The following C6orf132 variants were observed in gnomAD, a reference collection of about 807,000 sequenced individuals.
C6orf132 encodes uncharacterized protein C6orf132.
Under a neutral mutation model 65.3 loss-of-function variants are expected in C6orf132, and 43 were observed. The observed-to-expected ratio is 0.66, with a 90% CI of 0.52 to 0.85. C6orf132 has a LOEUF of 0.85. C6orf132 is among the 40% of genes least tolerant of loss of function. C6orf132 has a pLI of 0.00. For missense variants in C6orf132, 1,488 were observed against 1,548.8 expected, an observed-to-expected ratio of 0.96 and a Z score of 0.66; for synonymous variants, 631 against 654.1, an observed-to-expected ratio of 0.96 and a Z score of 0.54.
intron 2 of C6orf132, among the ~76,000 whole-genome samples, chr6:42,114,070 C>T (rs1766531120): frequency 1.3e-5 from 2 of 152,114 alleles, no homozygotes; most frequent in Admixed American, 6.5e-5. Context: ...GGGAGGAAGA[C>T]GGATAGACTT....
intron 1 of C6orf132, among the ~76,000 whole-genome samples, chr6:42,133,814 A>ATGG (rs557806289): frequency 9.9e-6 from 1 of 100,626 alleles, no homozygotes; most frequent in Admixed American, 1.4e-4. Context: ...TCATAGAAGG[A>ATGG]GACAGGGGCG....
At chr6:42,123,424 AAGG>A (rs1766716962) in intron 2 of C6orf132, among the ~76,000 whole-genome samples, 2 of 128,618 alleles carry the variant, frequency 1.6e-5, no homozygotes, top group African/African-American at 3.2e-5. Flanking sequence ...AGAAAGAAGA[AAGG>A]AGAAGGAGAA....
chr6:42,105,136 C>T lies in C6orf132; in HGVS notation c.2776G>A (p.Gly926Ser), dbSNP rs1380826761. Residue 926 changes from glycine to serine, a missense_variant, in exon 4 of 5, where the codon GGC (glycine) becomes AGC (serine). Gly to Ser is a moderately conservative substitution (Grantham distance 56, BLOSUM62 0). Transcript: ENST00000341865. The stretch of plus-strand genomic sequence containing the variant: ...TTGTGCCTGCGGCTCAGCTCTGTGC[C>T]CTCTGCGTCTCTTCCCAGCCGCGGC... ...WGPRLGRDAE[G>S]TELSRRHNWT... 1.3e-6 allele frequency: 2 copies of T among 1,536,990 alleles called. No homozygotes were observed. Among genetic ancestry groups the T allele is most frequent in the Non-Finnish European group, 1.7e-6 (2 of 1,146,830 alleles).
At chr6:42,119,292 T>C (rs895105926) in intron 2 of C6orf132, among the ~76,000 whole-genome samples, 6 of 116,044 alleles carry the variant, frequency 5.2e-5, no homozygotes, top group East Asian at 5.7e-4. Context: ...ATTCCTGGCC[T>C]CCCAAAGTTT....
rs1184481653 is a variant in C6orf132, at chr6:42,104,362, A to G, written c.3449+101T>C. 3.3e-6 allele frequency: 4 copies of G among 1,223,418 alleles called. No individual in the cohort carries two copies. Among genetic ancestry groups the G allele is most frequent in the African/African-American group, 1.6e-5 (1 of 64,158 alleles). The allele number at this position is 1,223,418 out of a possible 1,614,324, so 75.8% of individuals were successfully genotyped here. Reference sequence around the variant, plus strand: ...GTTCTACCTGCAAGGCCGAAGGGAGAAAACCAAATGTTTTCTCTTGACGGA... The same window carrying G: ...GTTCTACCTGCAAGGCCGAAGGGAGGAAACCAAATGTTTTCTCTTGACGGA... On this transcript the variant is annotated intron_variant, in intron 4 of 4. Coordinates refer to ENST00000341865, the MANE Select transcript of C6orf132 (RefSeq NM_001164446.3). This position sits in a 1 kb window ranked among gnomAD's most constrained non-coding sequence, Gnocchi z 4.1.
In C6orf132 at chr6:42,104,771, C is replaced by A. The variant is rs556246123; in HGVS notation, c.3141G>T (p.Gly1047=). Residue 1047 remains glycine (G), a synonymous_variant, in exon 4 of 5, where the codon GGG becomes GGT. Coordinates refer to ENST00000341865, the MANE Select transcript of C6orf132 (RefSeq NM_001164446.3). This position sits in a 1 kb window ranked among gnomAD's most constrained non-coding sequence, Gnocchi z 4.1. ...SRFPAGARYA[G]AGGLERFSGG... The stretch of plus-strand genomic sequence containing the variant: ...CCGAGAAGCGCTCCAGGCCCCCAGC[C>A]CCGGCGTAGCGCGCGCCCGCGGGAA... The A allele has an allele frequency of 6.6e-7, 1 of 1,510,912 alleles. No individual in the cohort carries two copies. The highest frequency in any genetic ancestry group is 2.2e-5 in the Admixed American group (1 of 44,976). The allele number at this position is 1,510,912 out of a possible 1,614,324, so 93.6% of individuals were successfully genotyped here. A position where few individuals can be genotyped will look rare whatever the true frequency, so the allele number is the denominator to read the frequency against.
Position 42,104,026 on chromosome 6 carries a change from G to C in C6orf132, c.3450-148C>G. On this transcript the variant is annotated intron_variant, in intron 4 of 4. Coordinates refer to ENST00000341865, the MANE Select transcript of C6orf132 (RefSeq NM_001164446.3). The surrounding 1 kb of genome is among the most constrained non-coding windows in gnomAD (Gnocchi z 4.1). ...CCTGGGCTTATCGACCCCAGGGAGG[G>C]ACCGCAGACATCACAAACAGGGCTC... The C allele has an allele frequency of 3.8e-6, 2 of 521,008 alleles. No individual in the cohort carries two copies. Among genetic ancestry groups the C allele is most frequent in the Non-Finnish European group, 6.1e-6 (2 of 326,326 alleles). 32.3% of individuals were successfully genotyped at this position (521,008 alleles called of 1,614,324 possible). A position where few individuals can be genotyped will look rare whatever the true frequency, so the allele number is the denominator to read the frequency against.
At chr6:42,139,412 T>C (rs1767000512) in intron 1 of C6orf132, among the ~76,000 whole-genome samples, 2 of 152,244 alleles carry the variant, frequency 1.3e-5, no homozygotes, top group South Asian at 2.1e-4. Context: ...GAGGGGCCAG[T>C]AAACTTTTTC....
At chr6:42,115,614 C>T (rs1265628800) in intron 2 of C6orf132, among the ~76,000 whole-genome samples, 1 of 152,064 alleles carries the variant, frequency 6.6e-6, no homozygotes, top group Non-Finnish European at 1.5e-5. Context: ...GCACTGCACT[C>T]CAGCCTGGGC....
In C6orf132 at chr6:42,102,077, C is replaced by G. The variant is rs146274449; in HGVS notation, c.*1684G>C. The stretch of plus-strand genomic sequence containing the variant: ...GAAGCAAGACCAAGGAATATTGTTT[C>G]CTGATATGTTTGGTGATCACAGCAT... On this transcript the variant is annotated 3_prime_UTR_variant, in exon 5 of 5. Transcript: ENST00000341865. The G allele has an allele frequency of 6.6e-6, 1 of 152,260 alleles. No homozygotes were observed. Among genetic ancestry groups the G allele is most frequent in the East Asian group, 1.9e-4 (1 of 5,178 alleles). The allele number at this position is 152,260 out of a possible 1,614,324, so 9.4% of individuals were successfully genotyped here. A position where few individuals can be genotyped will look rare whatever the true frequency, so the allele number is the denominator to read the frequency against.
At chr6:42,108,462 AGAGATAGGAAG>A (rs1417990265) in intron 3 of C6orf132, among the ~76,000 whole-genome samples, 1 of 152,170 alleles carries the variant, frequency 6.6e-6, no homozygotes, top group African/African-American at 2.4e-5. Flanking sequence ...AAGGTGGGAA[AGAGATAGGAAG>A]TCATGGGGCA....
chr6:42,104,833 C>T lies in C6orf132; in HGVS notation c.3079G>A (p.Gly1027Ser). ...YSDLRQLPNA[G>S]PGAPPALGFS... is the part of the protein sequence containing the mutation. ...CCGAGAGCCGGGGGCGCCCCGGGGC[C>T]AGCGTTCGGGAGCTGCCTCAAGTCT... Residue 1027 changes from glycine (G) to serine (S), a missense_variant, in exon 4 of 5, where the codon GGC becomes AGC. By Grantham distance (56) the Gly-to-Ser change is moderately conservative. Coordinates refer to ENST00000341865, the MANE Select transcript of C6orf132 (RefSeq NM_001164446.3). The surrounding 1 kb of genome is among the most constrained non-coding windows in gnomAD (Gnocchi z 4.1). 6.9e-7 allele frequency: 1 copy of T among 1,458,822 alleles called. No individual in the cohort carries two copies. The highest frequency in any genetic ancestry group is 1.4e-5 in the South Asian group (1 of 72,604). 90.4% of individuals were successfully genotyped at this position (1,458,822 alleles called of 1,614,324 possible).
At chr6:42,134,294 T>C (rs1766904893) in intron 1 of C6orf132, among the ~76,000 whole-genome samples, 1 of 152,180 alleles carries the variant, frequency 6.6e-6, no homozygotes, top group Admixed American at 6.5e-5. Flanking sequence ...ATGTGAACAG[T>C]GGTCCCTGCT....
chr6:42,128,777 A>G lies in C6orf132; in HGVS notation c.147T>C (p.Asp49=). ...ACCGATTGTCTCCATAATAGATGCC[A>G]TCTAGAGAACACAAGTGAGGGGACA... ...EAPEEGTGGF[D]GIYYGDNRFN... The change falls in exon 2 of 5, where the codon GAT becomes GAC. Residue 49 remains aspartate (D), a splice_region_variant and synonymous_variant. Transcript: ENST00000341865. 1 of 1,550,126 alleles carries G rather than the reference A, an allele frequency of 6.5e-7. No individual in the cohort carries two copies. Among genetic ancestry groups the G allele is most frequent in the Non-Finnish European group, 8.7e-7 (1 of 1,145,648 alleles).
chr6:42,111,668 G>A (rs1012156112), intron 2 of C6orf132, among the ~76,000 whole-genome samples: 2 of 152,084 alleles, frequency 1.3e-5, no homozygotes, highest in Admixed American at 6.6e-5. Context: ...CAAGTAATCC[G>A]CCCACCTTGG....
chr6:42,141,956 C>A (rs1035863046), intron 1 of C6orf132, among the ~76,000 whole-genome samples: 1 of 151,914 alleles, frequency 6.6e-6, no homozygotes, highest in Non-Finnish European at 1.5e-5. Flanking sequence ...ATATCGCAAA[C>A]CTCCGGAAGC....
intron 2 of C6orf132, among the ~76,000 whole-genome samples, chr6:42,123,501 AAAG>A (rs1233764101): frequency 3.4e-4 from 51 of 150,530 alleles, no homozygotes; most frequent in Admixed American, 8.6e-4. Flanking sequence ...AGAAAAGAAG[AAAG>A]AAGAAGGAGG....
intron 2 of C6orf132, among the ~76,000 whole-genome samples, chr6:42,128,374 G>A (rs926909241): frequency 6.6e-6 from 1 of 152,124 alleles, no homozygotes; most frequent in Admixed American, 6.5e-5. Context: ...ACAGTCATCT[G>A]TGACTGTGGA....
intron 2 of C6orf132, among the ~76,000 whole-genome samples, chr6:42,110,901 G>T (rs920668089): frequency 2.0e-5 from 3 of 152,174 alleles, no homozygotes. Context: ...TTACAAATAC[G>T]TTTTAGCCAC....
Sources: gnomAD v4.1 joint callset for allele counts (sites outside exome capture counted in the v4.1 genomes callset) on GRCh38, gnomAD v4.1.1 for gene constraint, Gnocchi (gnomAD v3.1) non-coding constraint, MANE v1.5 for transcripts, NCBI Gene and HGNC (gene_info 2026-07-23, HGNC 2026-07-21) for gene names.